Variants in MARCHF1 observed in about 807,000 individuals in gnomAD.
MARCHF1 encodes E3 ubiquitin-protein ligase MARCHF1.
In MARCHF1, 40 loss-of-function variants were observed where a neutral mutation model predicts 54.2. The observed-to-expected ratio is 0.74, with a 90% CI of 0.57 to 0.96. The LOEUF is 0.96. Among genes scored for constraint, MARCHF1 ranks in the 40% least tolerant of loss-of-function variants. The pLI is 0.00. For synonymous variants in MARCHF1, 236 were observed against 236.3 expected, an observed-to-expected ratio of 1.00 and a Z score of 0.01; for missense variants, 586 against 656.5, an observed-to-expected ratio of 0.89 and a Z score of 1.17.
intron 3 of MARCHF1, among the ~76,000 whole-genome samples, chr4:163,919,489 T>C (rs932926672): frequency 5.9e-5 from 9 of 152,010 alleles, no homozygotes; most frequent in Non-Finnish European, 1.3e-4. Flanking sequence ...CCTGCATTGA[T>C]AGAGTTTATG....
intron 8 of MARCHF1, among the ~76,000 whole-genome samples, chr4:163,562,315 A>G (rs1017303385): frequency 7.2e-5 from 11 of 151,968 alleles, no homozygotes; most frequent in African/African-American, 2.4e-4. Context: ...ACAAAACAAA[A>G]CAAAACAAAA....
At chr4:164,009,993 A>C (rs958358678) in intron 2 of MARCHF1, among the ~76,000 whole-genome samples, 1 of 151,958 alleles carries the variant, frequency 6.6e-6, no homozygotes, top group Admixed American at 6.6e-5. Flanking sequence ...GAAAAAAAGA[A>C]GTCAAATTAT....
chr4:163,551,881 CTA>C (rs1238897905), intron 8 of MARCHF1, among the ~76,000 whole-genome samples: 5 of 152,158 alleles, frequency 3.3e-5, no homozygotes, highest in African/African-American at 1.2e-4. Context: ...TCATGTGGAA[CTA>C]TGAGTCCATT....
chr4:163,715,524 A>G (rs1246747480), intron 4 of MARCHF1, among the ~76,000 whole-genome samples: 3 of 152,150 alleles, frequency 2.0e-5, no homozygotes, highest in African/African-American at 7.2e-5. Context: ...TCCCCAAGCA[A>G]AGGTATTTTC....
chr4:164,032,190 AT>A (rs1171215007), intron 2 of MARCHF1, among the ~76,000 whole-genome samples: 1 of 151,954 alleles, frequency 6.6e-6, no homozygotes, highest in African/African-American at 2.4e-5. Context: ...CCCCTTTAGC[AT>A]TTCTTATTGT....
At chr4:163,673,684 G>A (rs1438743450) in intron 5 of MARCHF1, among the ~76,000 whole-genome samples, 1 of 152,064 alleles carries the variant, frequency 6.6e-6, no homozygotes, top group Non-Finnish European at 1.5e-5. Flanking sequence ...ATCATAGGAG[G>A]CAAGAGTTTT....
intron 2 of MARCHF1, among the ~76,000 whole-genome samples, chr4:164,084,699 C>A (rs1268588185): frequency 6.8e-6 from 1 of 146,124 alleles, no homozygotes; most frequent in African/African-American, 2.5e-5. Flanking sequence ...TTCCAAAATT[C>A]AACTAAGAAA....
intron 1 of MARCHF1, among the ~76,000 whole-genome samples, chr4:164,351,022 G>A (rs1015856035): frequency 1.3e-5 from 2 of 151,982 alleles, no homozygotes; most frequent in Admixed American, 1.3e-4. Flanking sequence ...GGAAAATCGG[G>A]TTACTCCCAC....
intron 5 of MARCHF1, among the ~76,000 whole-genome samples, chr4:163,679,878 G>T (rs957896886): frequency 6.6e-6 from 1 of 152,004 alleles, no homozygotes; most frequent in Non-Finnish European, 1.5e-5. Flanking sequence ...GGGATTACAG[G>T]GGTGAGCCAC....
intron 1 of MARCHF1, among the ~76,000 whole-genome samples, chr4:164,193,813 T>C (rs1731184474): frequency 6.6e-6 from 1 of 152,196 alleles, no homozygotes; most frequent in East Asian, 1.9e-4. Context: ...AATAGTCCAA[T>C]GTTTGTCAGA....
chr4:164,299,420 T>C (rs529090897), intron 1 of MARCHF1, among the ~76,000 whole-genome samples: 3 of 152,188 alleles, frequency 2.0e-5, no homozygotes, highest in Non-Finnish European at 4.4e-5. Flanking sequence ...AGCAGGCCTT[T>C]AAGAATAAGA....
chr4:163,741,972 C>T (rs1362529795), intron 4 of MARCHF1, among the ~76,000 whole-genome samples: 4 of 152,166 alleles, frequency 2.6e-5, no homozygotes, highest in Non-Finnish European at 4.4e-5. Flanking sequence ...GCAACCTCTA[C>T]TAATTTGTTT....
At chr4:163,654,699 T>C (rs557198063) in intron 5 of MARCHF1, among the ~76,000 whole-genome samples, 40 of 151,828 alleles carry the variant, frequency 2.6e-4, no homozygotes, top group Non-Finnish European at 4.6e-4. Context: ...TGGCCTGTTA[T>C]TTATTTCTTC....
chr4:163,750,346 A>C (rs1004127347), intron 4 of MARCHF1, among the ~76,000 whole-genome samples: 1 of 151,348 alleles, frequency 6.6e-6, no homozygotes, highest in African/African-American at 2.4e-5. Flanking sequence ...CCCATCTCTA[A>C]TAAAAATACA....
intron 1 of MARCHF1, among the ~76,000 whole-genome samples, chr4:164,156,484 C>T (rs1244731055): frequency 6.6e-6 from 1 of 152,092 alleles, no homozygotes; most frequent in Non-Finnish European, 1.5e-5. Context: ...AGTGCAGTGG[C>T]ACCATCTCTG....
intron 1 of MARCHF1, among the ~76,000 whole-genome samples, chr4:164,290,816 G>C (rs1734267278): frequency 6.6e-6 from 1 of 151,956 alleles, no homozygotes; most frequent in African/African-American, 2.4e-5. Flanking sequence ...GTGAAGGAAA[G>C]ATCATGAAAA....
intron 8 of MARCHF1, among the ~76,000 whole-genome samples, chr4:163,554,462 G>A (rs1443349567): frequency 2.0e-5 from 3 of 152,144 alleles, no homozygotes; most frequent in Admixed American, 2.0e-4. Flanking sequence ...GTGGTGTGGA[G>A]GGAGAGGAGT....
intron 5 of MARCHF1, among the ~76,000 whole-genome samples, chr4:163,656,258 T>G (rs1351761503): frequency 6.6e-6 from 1 of 151,222 alleles, no homozygotes; most frequent in East Asian, 1.9e-4. Flanking sequence ...CAAACAACCA[T>G]CAGGGAATAC....
At chr4:164,068,366 G>A (rs899215475) in intron 2 of MARCHF1, among the ~76,000 whole-genome samples, 4 of 152,284 alleles carry the variant, frequency 2.6e-5, no homozygotes, top group East Asian at 1.9e-4. Context: ...GACCGGAGCC[G>A]CCTCCCTCAG....
Sources: allele counts gnomAD v4.1 joint callset (sites outside exome capture counted in the v4.1 genomes callset), GRCh38; gene constraint gnomAD v4.1.1; transcripts MANE v1.5; gene names NCBI Gene and HGNC (gene_info 2026-07-23, HGNC 2026-07-21).